The following NF2 variants were observed in gnomAD, a reference collection of about 807,000 sequenced individuals.
NF2 encodes NF2, moesin-ezrin-radixin like (MERLIN) tumor suppressor.
Under a neutral mutation model 83.7 loss-of-function variants are expected in NF2, and 8 were observed. The observed-to-expected ratio is 0.10, with a 90% confidence interval of 0.06 to 0.17. The LOEUF is 0.17. Ranked by LOEUF, NF2 falls within the 10% of genes least tolerant of loss-of-function variation. The pLI is 1.00. For synonymous variants in NF2, 266 were observed against 269.6 expected (o/e 0.99, Z 0.13); for missense variants, 533 against 744.4 (o/e 0.72, Z 3.31).
intron 1 of NF2, among the ~76,000 whole-genome samples, chr22:29,612,682 T>A (rs1171503750): frequency 6.6e-6 from 1 of 152,036 alleles, no homozygotes; most frequent in African/African-American, 2.4e-5. Flanking sequence ...AATAAATAAA[T>A]AGAAAATAGC....
At chr22:29,676,299 G>A (rs1325905594) in intron 13 of NF2, among the ~76,000 whole-genome samples, 1 of 151,900 alleles carries the variant, frequency 6.6e-6, no homozygotes, top group African/African-American at 2.4e-5. Context: ...CCAGTCTCCT[G>A]AGTAGCTGGG....
intron 6 of NF2, 35 bp downstream of exon 6, chr22:29,655,711 A>G: frequency 8.0e-7 from 1 of 1,250,828 alleles, no homozygotes; most frequent in Non-Finnish European, 1.1e-6. Context: ...ACATTCCTTT[A>G]TGGGCTTTTT....
At chr22:29,609,675 T>A (rs1196721407) in intron 1 of NF2, among the ~76,000 whole-genome samples, 1 of 152,354 alleles carries the variant, frequency 6.6e-6, no homozygotes, top group East Asian at 1.9e-4. Context: ...GAAATTGGTG[T>A]GTATAACTAC....
chr22:29,661,145 T>C (rs2147006295), intron 7 of NF2, 60 bp from the exon 8 acceptor site: 1 of 1,612,322 alleles, frequency 6.2e-7, no homozygotes. Context: ...CTTTGGAAGG[T>C]TGAATAAAAT....
chr22:29,624,463 C>T (rs2065290817), intron 1 of NF2, among the ~76,000 whole-genome samples: 1 of 152,188 alleles, frequency 6.6e-6, no homozygotes, highest in Non-Finnish European at 1.5e-5. Flanking sequence ...CTGCCTTGAC[C>T]TCCCTAAGTG....
chr22:29,639,567 C>T (rs1205878527), intron 3 of NF2, among the ~76,000 whole-genome samples: 1 of 152,058 alleles, frequency 6.6e-6, no homozygotes, highest in African/African-American at 2.4e-5. Flanking sequence ...GTAGTTCTTC[C>T]AAAAGTTTAA....
At position 29,697,514 on chromosome 22, in the gene NF2, A is replaced by AAG. The variant is rs2067585637; in HGVS notation, c.*2716_*2717dup. On this transcript the variant is annotated 3_prime_UTR_variant, in exon 16 of 16. Transcript: ENST00000338641. ...GCCCCAGTAGCAGGAGAAAGAAAGA[A>AAG]AGAGATGCCTGGTTTTCACAGACTG... 5.5e-6 allele frequency: 1 copy of AAG among 182,638 alleles called. No individual in the cohort carries two copies. Among genetic ancestry groups the AAG allele is most frequent in the Admixed American group, 6.3e-5 (1 of 15,954 alleles). 11.3% of individuals were successfully genotyped at this position (182,638 alleles called of 1,614,324 possible). A position where few individuals can be genotyped will look rare whatever the true frequency, so the allele number is the denominator to read the frequency against.
At chr22:29,678,544 A>T (rs767419927) in intron 14 of NF2, among the ~76,000 whole-genome samples, 93 of 152,162 alleles carry the variant, frequency 6.1e-4, no homozygotes, top group South Asian at 1.9e-3. Context: ...AACAATTTTT[A>T]TCCAGGATAA....
At chr22:29,625,939 G>A (rs1393470917) in intron 1 of NF2, among the ~76,000 whole-genome samples, 1 of 152,078 alleles carries the variant, frequency 6.6e-6, no homozygotes, top group African/African-American at 2.4e-5. Context: ...GCCTGTTTTA[G>A]TCTTCTTGTT....
At chr22:29,662,193 A>G (rs1266417739) in intron 8 of NF2, among the ~76,000 whole-genome samples, 1 of 152,166 alleles carries the variant, frequency 6.6e-6, no homozygotes, top group African/African-American at 2.4e-5. Context: ...ATGCAGTGGC[A>G]CATGATCACG....
chr22:29,604,050 C>G lies in NF2; in HGVS notation c.52C>G (p.Gln18Glu). 1.2e-6 allele frequency: 2 copies of G among 1,606,766 alleles called. No individual in the cohort carries two copies. Among genetic ancestry groups the G allele is most frequent in the Non-Finnish European group, 1.7e-6 (2 of 1,176,788 alleles). ...RMSFSSLKRKQPKTFTVRIVT... is the reference protein window; with the variant it reads ...RMSFSSLKRKEPKTFTVRIVT... ...GAGCTTCAGCTCTCTCAAGAGGAAG[C>G]AACCCAAGACGTTCACCGTGAGGAT... Residue 18 changes from glutamine to glutamate, a missense_variant, in exon 1 of 16, where the codon CAA (glutamine) becomes GAA (glutamate). Coordinates refer to ENST00000338641, the MANE Select transcript of NF2 (RefSeq NM_000268.4).
chr22:29,644,528 G>A (rs370272037), intron 4 of NF2, among the ~76,000 whole-genome samples: 10,670 of 151,784 alleles, frequency 0.07, 199 homozygotes, highest in African/African-American at 0.077. Flanking sequence ...TGGCGGCCGG[G>A]CAGAGGCTGC....
intron 1 of NF2, among the ~76,000 whole-genome samples, chr22:29,621,652 G>A (rs1309028797): frequency 6.6e-6 from 1 of 151,962 alleles, no homozygotes; most frequent in Non-Finnish European, 1.5e-5. Context: ...CTGGGTGACA[G>A]AGTGAGACCT....
rs11379333 is a variant in NF2, at chr22:29,640,194, TAAAAAAAAAAA to T, written c.363+997_363+1007del. Among the ~76,000 whole-genome samples the T allele has an allele frequency of 3.2e-5, 3 of 92,794 alleles. No individual in the cohort carries two copies. In the East Asian group the frequency reaches 1.1e-3, roughly 33 times the overall value. 60.9% of individuals were successfully genotyped at this position (92,794 alleles called of 152,430 possible). A position where few individuals can be genotyped will look rare whatever the true frequency, so the allele number is the denominator to read the frequency against. ...TGGGTGACAGAGTGAGACTCTGTCT[TAAAAAAAAAAA>T]AAAAAAAAAAAAAAGAGGACTTCAG... On this transcript the variant is annotated intron_variant, in intron 3 of 15. Coordinates refer to ENST00000338641, the MANE Select transcript of NF2 (RefSeq NM_000268.4).
At chr22:29,622,653 T>TG (rs1225034811) in intron 1 of NF2, among the ~76,000 whole-genome samples, 9 of 131,538 alleles carry the variant, frequency 6.8e-5, no homozygotes, top group African/African-American at 2.7e-4. Flanking sequence ...TGTATTTTTT[T>TG]TTTTTTTTTT....
At chr22:29,660,547 T>C (rs2066446748) in intron 7 of NF2, among the ~76,000 whole-genome samples, 1 of 152,196 alleles carries the variant, frequency 6.6e-6, no homozygotes, top group African/African-American at 2.4e-5. Flanking sequence ...TCTTTAAATA[T>C]AAGAAATCAT....
intron 2 of NF2, among the ~76,000 whole-genome samples, chr22:29,637,706 C>T (rs1334060135): frequency 2.0e-5 from 3 of 149,366 alleles, no homozygotes; most frequent in Non-Finnish European, 3.0e-5. Context: ...TTTTTTTTTA[C>T]CAGTTTGACT....
chr22:29,609,266 C>G, intron 1 of NF2: 2 of 711,414 alleles, frequency 2.8e-6, no homozygotes, highest in Admixed American at 3.5e-5. Context: ...GTTTGGAGGG[C>G]ATAAATTCAT....
chr22:29,620,160 G>T (rs2065179110), intron 1 of NF2, among the ~76,000 whole-genome samples: 1 of 152,174 alleles, frequency 6.6e-6, no homozygotes, highest in African/African-American at 2.4e-5. Context: ...TCCGGAGGTT[G>T]AGGCAGGAGA....
Sources: gnomAD v4.1 joint callset for allele counts (sites outside exome capture counted in the v4.1 genomes callset) on GRCh38, gnomAD v4.1.1 for gene constraint, MANE v1.5 for transcripts, NCBI Gene and HGNC (gene_info 2026-07-23, HGNC 2026-07-21) for gene names.